The following ABL2 variants were observed in gnomAD, a reference collection of about 807,000 sequenced individuals.
ABL2 encodes tyrosine-protein kinase ABL2.
Under a neutral mutation model 107.7 loss-of-function variants are expected in ABL2, and 49 were observed. The ratio of observed to expected loss-of-function variants is 0.45; its 90% CI spans 0.36 to 0.58. The LOEUF is 0.58. ABL2 is among the 20% of genes least tolerant of loss of function. The pLI is 0.00. For missense variants in ABL2, 1,245 were observed against 1,457.0 expected (o/e 0.85, Z 2.37); for synonymous variants, 549 against 548.6 (o/e 1.00, Z -0.01).
At chr1:179,157,989 C>T (rs563410953) in intron 1 of ABL2, among the ~76,000 whole-genome samples, 2 of 152,192 alleles carry the variant, frequency 1.3e-5, no homozygotes, top group Non-Finnish European at 2.9e-5. Flanking sequence ...TGGTTCATTT[C>T]CATTTTCCTT....
At chr1:179,184,656 A>G in intron 1 of ABL2, 1 of 494,680 alleles carries the variant, frequency 2.0e-6, no homozygotes, top group Non-Finnish European at 3.7e-6. Flanking sequence ...ATGATGATAA[A>G]GGGAAGGAAG....
rs1195408412 is a variant in ABL2, at chr1:179,126,795, AT to A, written c.392-124del. 3.4e-3 allele frequency: 3,178 copies of A among 941,688 alleles called. No homozygotes were observed. The highest frequency in any genetic ancestry group is 4.5e-3 in the South Asian group (194 of 43,388). 58.3% of individuals were successfully genotyped at this position (941,688 alleles called of 1,614,324 possible). A position where few individuals can be genotyped will look rare whatever the true frequency, so the allele number is the denominator to read the frequency against. On this transcript the variant is annotated intron_variant, in intron 3 of 11. Transcript: ENST00000502732. The surrounding 1 kb of genome is among the most constrained non-coding windows in gnomAD (Gnocchi z 4.4). Reference sequence around the variant, plus strand: ...AAAGAATCTAGAACTTTTATGCCAAATTTTTTTTTTAAATAATGAAAACAAA... The same window carrying A: ...AAAGAATCTAGAACTTTTATGCCAAATTTTTTTTTAAATAATGAAAACAAA...
chr1:179,182,811 T>G (rs951103473), intron 1 of ABL2, among the ~76,000 whole-genome samples: 37 of 152,190 alleles, frequency 2.4e-4, no homozygotes, highest in Non-Finnish European at 4.4e-5. Context: ...GAAACTTTTT[T>G]GGTTAACAGC....
chr1:179,220,487 T>C (rs553284528), intron 1 of ABL2, among the ~76,000 whole-genome samples: 1 of 152,330 alleles, frequency 6.6e-6, no homozygotes, highest in Admixed American at 6.5e-5. Context: ...CAGTGCCTTG[T>C]TTAGGCGATG....
In ABL2 at chr1:179,114,093, A is replaced by T. The variant is rs187353174; in HGVS notation, c.1561+785T>A. 2.3e-3 allele frequency among the ~76,000 whole-genome samples: 353 copies of T among 152,118 alleles called. 4 individuals carry two copies. Among genetic ancestry groups the T allele is most frequent in the African/African-American group, 8.2e-3 (342 of 41,476 alleles). On this transcript the variant is annotated intron_variant, in intron 9 of 11. Transcript: ENST00000502732. ...AACATGCCAAAACCCCATCTCTACC[A>T]AAAATACAAAAATTAGCCAGGCGTG...
intron 10 of ABL2, chr1:179,110,750 G>C (rs1653975477): frequency 1.2e-6 from 2 of 1,613,774 alleles, no homozygotes; most frequent in Admixed American, 3.3e-5. Context: ...GTTGTTTCCA[G>C]TTTGGAGTTA....
At position 179,197,138 on chromosome 1, in the gene ABL2, T is replaced by C. The variant is rs185488424; in HGVS notation, c.157+32103A>G. Among the ~76,000 whole-genome samples, 40 of 152,280 alleles carry C rather than the reference T, an allele frequency of 2.6e-4. 2 individuals carry two copies. The East Asian group carries it at 3.3e-3, about 12-fold the overall frequency. ...ATGAGAACGAGGCAATATTTGAAGA[T>C]ATAATTGCTGAGACTTTTCCAAAAA... On this transcript the variant is annotated intron_variant, in intron 1 of 11. Transcript: ENST00000502732.
At chr1:179,127,905 C>A (rs1655887224) in intron 3 of ABL2, among the ~76,000 whole-genome samples, 1 of 151,916 alleles carries the variant, frequency 6.6e-6, no homozygotes, top group South Asian at 2.1e-4. Flanking sequence ...TGATAGTCTG[C>A]ATGCCTGTAA....
intron 1 of ABL2, among the ~76,000 whole-genome samples, chr1:179,166,454 G>C (rs1481374292): frequency 6.7e-6 from 1 of 149,472 alleles, no homozygotes. Flanking sequence ...GACATGGATA[G>C]ACATTTCTCA....
chr1:179,126,306 T>A lies in ABL2; in HGVS notation c.687+71A>T. On this transcript the variant is annotated intron_variant, in intron 4 of 11. Transcript: ENST00000502732. This position sits in a 1 kb window ranked among gnomAD's most constrained non-coding sequence, Gnocchi z 4.4. ...TCAGACATAAAATCTATTATTTCACTTCAATCACGTTGAATATTATTTCAC... is the reference window on the plus strand; with the variant it reads ...TCAGACATAAAATCTATTATTTCACATCAATCACGTTGAATATTATTTCAC... 6.7e-7 allele frequency: 1 copy of A among 1,487,052 alleles called. No homozygotes were observed. Among genetic ancestry groups the A allele is most frequent in the Admixed American group, 1.9e-5 (1 of 51,488 alleles). The allele number at this position is 1,487,052 out of a possible 1,614,324, so 92.1% of individuals were successfully genotyped here.
At chr1:179,207,535 AAAC>A (rs1173867495) in intron 1 of ABL2, among the ~76,000 whole-genome samples, 2 of 152,230 alleles carry the variant, frequency 1.3e-5, no homozygotes, top group Non-Finnish European at 2.9e-5. Context: ...AATGTTTAAA[AAAC>A]AATAACAGCT....
chr1:179,229,213 T>A, intron 1 of ABL2, 28 bp downstream of exon 1: 2 of 913,140 alleles, frequency 2.2e-6, no homozygotes, highest in Non-Finnish European at 2.6e-6. Flanking sequence ...TCCCCCACGC[T>A]CTCATGCCGG....
chr1:179,210,592 C>A (rs982340990), intron 1 of ABL2, among the ~76,000 whole-genome samples: 1 of 149,976 alleles, frequency 6.7e-6, no homozygotes, highest in South Asian at 2.1e-4. Flanking sequence ...TGGTGGCTCA[C>A]GCCTATAATC....
rs568178843 is a variant in ABL2 at position 179,210,641 on chromosome 1, A to G, written c.157+18600T>C. Among the ~76,000 whole-genome samples, 23 of 151,716 alleles carry G rather than the reference A, an allele frequency of 1.5e-4. No homozygotes were observed. The South Asian group carries it at 2.7e-3, about 18-fold the overall frequency. Reference sequence around the variant, plus strand: ...GCCGAGGTGGGCGCATCACGAGGTCAGAGATCGAGACCATCCTGGCTAACA... The same window carrying G: ...GCCGAGGTGGGCGCATCACGAGGTCGGAGATCGAGACCATCCTGGCTAACA... On this transcript the variant is annotated intron_variant, in intron 1 of 11. Coordinates refer to ENST00000502732, the MANE Select transcript of ABL2 (RefSeq NM_007314.4).
At chr1:179,215,975 T>C (rs1331296644) in intron 1 of ABL2, among the ~76,000 whole-genome samples, 1 of 152,212 alleles carries the variant, frequency 6.6e-6, no homozygotes, top group African/African-American at 2.4e-5. Flanking sequence ...TGTGTACATA[T>C]TATGTATTAT....
At chr1:179,144,205 C>G (rs112857163) in intron 1 of ABL2, among the ~76,000 whole-genome samples, 19,269 of 151,996 alleles carry the variant, frequency 0.13, 1,346 homozygotes, top group African/African-American at 0.18. Context: ...CGCCTGTAAT[C>G]CCAGCACTTT....
rs370154238 is a variant in ABL2, at chr1:179,140,398, T to C, written c.158-7024A>G. On this transcript the variant is annotated intron_variant, in intron 1 of 11. Transcript: ENST00000502732. ...AGTACATCTATTCTTGATAACACTC[T>C]CACATCCCCCACTGACTCCTTTCCT... 5.3e-5 allele frequency among the ~76,000 whole-genome samples: 8 copies of C among 152,230 alleles called. No individual in the cohort carries two copies. The East Asian group carries it at 5.8e-4, about 11-fold the overall frequency.
Position 179,108,734 on chromosome 1 carries a change from T to C in ABL2, c.2533A>G (p.Arg845Gly). The change falls in exon 12 of 12, where the codon AGG (arginine) becomes GGG (glycine). Residue 845 changes from arginine (R) to glycine (G), a missense_variant. By Grantham distance (125) the Arg-to-Gly change is moderately radical (BLOSUM62 -2). Transcript: ENST00000502732. ...AATAACTTGGCTTTTGGTCTCTCCC[T>C]GCTTGGAGCAGCACTTTCCTCTGAT... ...KKSEESAAPS[R>G]ERPKAKLLPR... 6.2e-7 allele frequency: 1 copy of C among 1,614,246 alleles called. No individual in the cohort carries two copies. Among genetic ancestry groups the C allele is most frequent in the South Asian group, 1.1e-5 (1 of 91,082 alleles).
chr1:179,113,859 G>A (rs1284420096), intron 9 of ABL2, among the ~76,000 whole-genome samples: 4 of 151,960 alleles, frequency 2.6e-5, no homozygotes, highest in South Asian at 2.1e-4. Context: ...GCATCAACCC[G>A]AGAGGTGGAG....
Sources: allele counts gnomAD v4.1 joint callset (sites outside exome capture counted in the v4.1 genomes callset), GRCh38; gene constraint gnomAD v4.1.1; non-coding constraint Gnocchi (gnomAD v3.1); transcripts MANE v1.5; gene names NCBI Gene and HGNC (gene_info 2026-07-23, HGNC 2026-07-21).